Variants in NKAIN2 observed in about 807,000 individuals in gnomAD.
NKAIN2 encodes the protein sodium/potassium transporting ATPase interacting 2, also known as sodium/potassium-transporting ATPase subunit beta-1-interacting protein 2.
A neutral mutation model predicts 32.6 loss-of-function variants in NKAIN2; 14 were observed. The ratio of observed to expected loss-of-function variants is 0.43; its 90% CI spans 0.28 to 0.67. The LOEUF (loss-of-function observed/expected upper bound fraction) is 0.67, where lower values mean the gene tolerates loss of function less well. NKAIN2 is among the 30% of genes least tolerant of loss of function. NKAIN2 has a pLI of 0.17. For synonymous variants in NKAIN2, 80 were observed against 87.2 expected, an observed-to-expected ratio of 0.92 and a Z score of 0.46; for missense variants, 198 against 258.3, an observed-to-expected ratio of 0.77 and a Z score of 1.60.
At chr6:124,100,578 C>A (rs545327333) in intron 1 of NKAIN2, among the ~76,000 whole-genome samples, 1 of 152,130 alleles carries the variant, frequency 6.6e-6, no homozygotes, top group Admixed American at 6.6e-5. Context: ...TTTTGAGATG[C>A]GATTGTATCA....
chr6:124,548,666 A>C (rs2114861567), intron 3 of NKAIN2, among the ~76,000 whole-genome samples: 1 of 152,330 alleles, frequency 6.6e-6, no homozygotes, highest in East Asian at 1.9e-4. Context: ...GAGAGATTAC[A>C]GAGAAAAGAA....
At chr6:124,793,253 T>A (rs558044262) in intron 5 of NKAIN2, among the ~76,000 whole-genome samples, 3 of 152,208 alleles carry the variant, frequency 2.0e-5, no homozygotes, top group African/African-American at 7.2e-5. Flanking sequence ...AAAATGGGAA[T>A]AAGATCACTA....
At chr6:124,433,060 A>C (rs1392062182) in intron 3 of NKAIN2, among the ~76,000 whole-genome samples, 1 of 152,178 alleles carries the variant, frequency 6.6e-6, no homozygotes, top group Non-Finnish European at 1.5e-5. Flanking sequence ...AAAGGAAGGC[A>C]AACTGGCAGG....
rs73551340 is a variant in NKAIN2, at chr6:123,881,052, G to A, written c.54+76798G>A. On this transcript the variant is annotated intron_variant, in intron 1 of 6. Coordinates refer to ENST00000368417, the MANE Select transcript of NKAIN2 (RefSeq NM_001040214.3). ...GTGTACTGAGTTAGGTGTGACTAGG[G>A]ATTTTGTCACCTAGGCTGTTGGGCA... Among the ~76,000 whole-genome samples the A allele has an allele frequency of 7.5e-3, 1,149 of 152,192 alleles. 9 individuals are homozygous for A. The highest frequency in any genetic ancestry group is 0.026 in the African/African-American group (1,073 of 41,518).
chr6:124,606,641 T>C (rs1318310368), intron 3 of NKAIN2, among the ~76,000 whole-genome samples: 1 of 152,108 alleles, frequency 6.6e-6, no homozygotes, highest in East Asian at 1.9e-4. Flanking sequence ...TGGAGAATAA[T>C]AATAATAGAA....
intron 3 of NKAIN2, among the ~76,000 whole-genome samples, chr6:124,384,434 G>A (rs571082906): frequency 1.3e-5 from 2 of 152,246 alleles, no homozygotes; most frequent in Admixed American, 6.5e-5. Context: ...AATAAGTGGG[G>A]TGATGTAGGA....
intron 1 of NKAIN2, among the ~76,000 whole-genome samples, chr6:123,961,328 T>C (rs1179928167): frequency 2.0e-5 from 3 of 152,214 alleles, no homozygotes; most frequent in African/African-American, 4.8e-5. Context: ...TTAAATACTT[T>C]TGCAGCTGTA....
At chr6:124,420,783 TA>T (rs1167692263) in intron 3 of NKAIN2, among the ~76,000 whole-genome samples, 1 of 152,164 alleles carries the variant, frequency 6.6e-6, no homozygotes, top group Non-Finnish European at 1.5e-5. Context: ...TTATATTGTT[TA>T]TTCTGCTTTT....
chr6:124,590,936 G>A (rs1583485792), intron 3 of NKAIN2, among the ~76,000 whole-genome samples: 1 of 152,192 alleles, frequency 6.6e-6, no homozygotes, highest in Admixed American at 6.5e-5. Flanking sequence ...AATCACTCAA[G>A]GGGTACATGA....
intron 1 of NKAIN2, among the ~76,000 whole-genome samples, chr6:124,224,415 C>T (rs571587392): frequency 2.0e-5 from 3 of 152,166 alleles, no homozygotes; most frequent in East Asian, 1.9e-4. Flanking sequence ...TTTGAGACAC[C>T]GTTTAGGTAG....
In NKAIN2 at chr6:124,123,138, G is replaced by A. The variant is rs147861065; in HGVS notation, c.55-159867G>A. ...AAATGTAAGCTGTTACTGGATTGCC[G>A]AGGTACCTGGAAATTCACTGCCTTT... On this transcript the variant is annotated intron_variant, in intron 1 of 6. Transcript: ENST00000368417. 2.9e-3 allele frequency among the ~76,000 whole-genome samples: 439 copies of A among 151,978 alleles called. 4 individuals are homozygous for A. Among genetic ancestry groups the A allele is most frequent in the African/African-American group, 0.01 (418 of 41,482 alleles).
chr6:124,604,925 G>A (rs1307045826), intron 3 of NKAIN2, among the ~76,000 whole-genome samples: 3 of 151,858 alleles, frequency 2.0e-5, no homozygotes, highest in Non-Finnish European at 4.4e-5. Flanking sequence ...AATAGCTCCT[G>A]GCAGAATGTC....
At chr6:124,291,552 T>C (rs1795817419) in intron 2 of NKAIN2, among the ~76,000 whole-genome samples, 1 of 152,026 alleles carries the variant, frequency 6.6e-6, no homozygotes, top group South Asian at 2.1e-4. Flanking sequence ...AGGTAAGTTC[T>C]TCCAAAAGAA....
intron 4 of NKAIN2, among the ~76,000 whole-genome samples, chr6:124,771,324 C>T (rs1399495820): frequency 6.6e-6 from 1 of 152,054 alleles, no homozygotes; most frequent in Non-Finnish European, 1.5e-5. Context: ...TTTAAAGTGT[C>T]CATGACCCAG....
chr6:124,437,096 T>C (rs1197447096), intron 3 of NKAIN2, among the ~76,000 whole-genome samples: 3 of 152,188 alleles, frequency 2.0e-5, no homozygotes, highest in Non-Finnish European at 4.4e-5. Flanking sequence ...TTACCCTAAC[T>C]ACCTATTTTA....
chr6:123,913,229 T>C (rs1387908), intron 1 of NKAIN2, among the ~76,000 whole-genome samples: 55,639 of 151,962 alleles, frequency 0.37, 10,773 homozygotes, highest in East Asian at 0.63. Flanking sequence ...ATTTTTGGGA[T>C]AGATTAAAAT....
intron 1 of NKAIN2, among the ~76,000 whole-genome samples, chr6:124,015,594 G>A (rs573869897): frequency 3.3e-5 from 5 of 152,216 alleles, no homozygotes; most frequent in East Asian, 1.9e-4. Flanking sequence ...CAAAAACACC[G>A]TGAGGTGCTT....
At chr6:124,217,676 CATGAATAA>C (rs1791553130) in intron 1 of NKAIN2, among the ~76,000 whole-genome samples, 1 of 152,068 alleles carries the variant, frequency 6.6e-6, no homozygotes, top group African/African-American at 2.4e-5. Context: ...TTCTCGACTG[CATGAATAA>C]ATGATTCTAC....
chr6:123,910,487 C>T (rs1393111896), intron 1 of NKAIN2, among the ~76,000 whole-genome samples: 1 of 143,180 alleles, frequency 7.0e-6, no homozygotes, highest in Non-Finnish European at 1.5e-5. Flanking sequence ...GAGGACATTA[C>T]CTGCAATGCA....
Sources: gnomAD v4.1 joint callset for allele counts (sites outside exome capture counted in the v4.1 genomes callset) on GRCh38, gnomAD v4.1.1 for gene constraint, MANE v1.5 for transcripts, NCBI Gene and HGNC (gene_info 2026-07-23, HGNC 2026-07-21) for gene names.